Variants in NTNG1 observed in about 807,000 individuals in gnomAD.
NTNG1 encodes netrin-G1.
NTNG1 carries 16 observed loss-of-function variants against 54.0 expected under a neutral mutation model. The ratio of observed to expected loss-of-function variants is 0.30; its 90% CI spans 0.20 to 0.45. The LOEUF (loss-of-function observed/expected upper bound fraction) is 0.45. Among genes scored for constraint, NTNG1 ranks in the 20% least tolerant of loss-of-function variants. NTNG1 has a pLI of 1.00. For synonymous variants in NTNG1, 255 were observed against 263.1 expected, an observed-to-expected ratio of 0.97 and a Z score of 0.30; for missense variants, 530 against 678.7, an observed-to-expected ratio of 0.78 and a Z score of 2.43.
intron 2 of NTNG1, among the ~76,000 whole-genome samples, chr1:107,259,743 C>T (rs1172200594): frequency 6.6e-6 from 1 of 152,188 alleles, no homozygotes; most frequent in African/African-American, 2.4e-5. Context: ...TCAACTATTT[C>T]TCTCTAGTAT....
intron 3 of NTNG1, 90 bp downstream of exon 3, chr1:107,325,012 A>G (rs1172043848): frequency 2.3e-6 from 3 of 1,299,380 alleles, no homozygotes; most frequent in Non-Finnish European, 3.2e-6. Flanking sequence ...ACATTTGTCA[A>G]TTTCTACTGC....
intron 2 of NTNG1, among the ~76,000 whole-genome samples, chr1:107,251,052 A>T (rs1041061532): frequency 1.6e-4 from 24 of 152,254 alleles, no homozygotes; most frequent in Admixed American, 2.0e-4. Flanking sequence ...AAATGTTGAA[A>T]GAATACATTT....
At chr1:107,259,497 A>G (rs567083622) in intron 2 of NTNG1, among the ~76,000 whole-genome samples, 1 of 152,390 alleles carries the variant, frequency 6.6e-6, no homozygotes, top group East Asian at 1.9e-4. Flanking sequence ...AAAATCATTT[A>G]GTTTAACTCT....
At chr1:107,217,026 A>T (rs559389239) in intron 2 of NTNG1, among the ~76,000 whole-genome samples, 26 of 152,252 alleles carry the variant, frequency 1.7e-4, no homozygotes, top group African/African-American at 5.8e-4. Context: ...GATTGGTACC[A>T]GTTTTTCTTT....
intron 2 of NTNG1, among the ~76,000 whole-genome samples, chr1:107,227,651 C>T (rs1319191770): frequency 6.7e-6 from 1 of 149,554 alleles, no homozygotes; most frequent in Non-Finnish European, 1.5e-5. Context: ...TTCATATTCT[C>T]AATCTGTCTC....
At chr1:107,393,390 C>G (rs1206628759) in intron 3 of NTNG1, among the ~76,000 whole-genome samples, 1 of 152,050 alleles carries the variant, frequency 6.6e-6, no homozygotes, top group Non-Finnish European at 1.5e-5. Context: ...AATAAGCAAC[C>G]TAGCACAAGT....
intron 3 of NTNG1, among the ~76,000 whole-genome samples, chr1:107,373,110 T>A (rs1267211655): frequency 6.6e-6 from 1 of 152,156 alleles, no homozygotes; most frequent in African/African-American, 2.4e-5. Context: ...GACTTAAAGG[T>A]AATATCTTGC....
chr1:107,173,232 T>G lies in NTNG1; in HGVS notation c.246+24393T>G, dbSNP rs568930046. Among the ~76,000 whole-genome samples, 8 of 152,298 alleles carry G rather than the reference T, an allele frequency of 5.3e-5. No homozygotes were observed. The South Asian group carries it at 1.2e-3, about 24-fold the overall frequency. On this transcript the variant is annotated intron_variant, in intron 2 of 7. Transcript: ENST00000370068. ...TTTAACGCATCTTAAAACCTCACAA[T>G]TCACTATTCTAGCAGTTTTTCATTT...
intron 2 of NTNG1, among the ~76,000 whole-genome samples, chr1:107,154,044 A>C (rs1348584030): frequency 6.6e-6 from 1 of 152,212 alleles, no homozygotes; most frequent in Non-Finnish European, 1.5e-5. Flanking sequence ...AGCATTCAGC[A>C]CATGCAAAAC....
At chr1:107,286,812 A>C (rs77832733) in intron 2 of NTNG1, among the ~76,000 whole-genome samples, 2,403 of 152,302 alleles carry the variant, frequency 0.016, 62 homozygotes, top group African/African-American at 0.051. Context: ...ATTTATTACA[A>C]TGTCCATAAT....
intron 2 of NTNG1, among the ~76,000 whole-genome samples, chr1:107,246,849 G>A (rs772073564): frequency 1.3e-5 from 2 of 152,054 alleles, no homozygotes; most frequent in East Asian, 3.9e-4. Flanking sequence ...AATTTTTCAT[G>A]ATATACAACA....
intron 3 of NTNG1, among the ~76,000 whole-genome samples, chr1:107,366,349 T>G (rs555087065): frequency 6.6e-6 from 1 of 152,254 alleles, no homozygotes; most frequent in South Asian, 2.1e-4. Flanking sequence ...AAGGACTTTT[T>G]TAGGATGGCT....
At chr1:107,336,974 G>A (rs1338417825) in intron 3 of NTNG1, among the ~76,000 whole-genome samples, 1 of 151,856 alleles carries the variant, frequency 6.6e-6, no homozygotes, top group African/African-American at 2.4e-5. Context: ...AAAATAACAT[G>A]GTTGGAAAGG....
At chr1:107,249,107 C>T (rs1213454923) in intron 2 of NTNG1, among the ~76,000 whole-genome samples, 6 of 150,084 alleles carry the variant, frequency 4.0e-5, no homozygotes, top group Admixed American at 6.7e-5. Flanking sequence ...TGCAGTAAGC[C>T]GAGATCACAC....
At chr1:107,459,970 G>A (rs893516581) in intron 7 of NTNG1, among the ~76,000 whole-genome samples, 2 of 152,250 alleles carry the variant, frequency 1.3e-5, no homozygotes, top group South Asian at 4.1e-4. Flanking sequence ...AACTTTTGAA[G>A]TATAAAAGTA....
chr1:107,281,241 A>T (rs1664840877), intron 2 of NTNG1, among the ~76,000 whole-genome samples: 1 of 152,140 alleles, frequency 6.6e-6, no homozygotes, highest in South Asian at 2.1e-4. Flanking sequence ...TGTACATATA[A>T]AACACTGTTA....
At chr1:107,373,831 C>T (rs879575271) in intron 3 of NTNG1, among the ~76,000 whole-genome samples, 3 of 151,762 alleles carry the variant, frequency 2.0e-5, no homozygotes, top group Non-Finnish European at 1.5e-5. Flanking sequence ...CTCAAGTAGC[C>T]GAGACTCCAG....
At chr1:107,446,373 A>G (rs1446476724) in intron 7 of NTNG1, among the ~76,000 whole-genome samples, 1 of 152,108 alleles carries the variant, frequency 6.6e-6, no homozygotes, top group African/African-American at 2.4e-5. Context: ...TGGCCATAAA[A>G]TGATCAGGAT....
At chr1:107,303,197 G>A (rs1666429311) in intron 2 of NTNG1, among the ~76,000 whole-genome samples, 1 of 152,148 alleles carries the variant, frequency 6.6e-6, no homozygotes, top group South Asian at 2.1e-4. Context: ...AATCACTTGA[G>A]TAGACCAGTG....
Sources: gnomAD v4.1 joint callset for allele counts (sites outside exome capture counted in the v4.1 genomes callset) on GRCh38, gnomAD v4.1.1 for gene constraint, MANE v1.5 for transcripts, NCBI Gene and HGNC (gene_info 2026-07-23, HGNC 2026-07-21) for gene names.